NARS2: variants seen among roughly 807,000 people sequenced by gnomAD.
NARS2 encodes asparaginyl-tRNA synthetase 2, mitochondrial, also known as asparaginyl-tRNA synthetase.
NARS2 carries 60 observed loss-of-function variants against 62.9 expected under a neutral mutation model. The ratio of observed to expected loss-of-function variants is 0.95; its 90% CI spans 0.77 to 1.18. NARS2 has a LOEUF of 1.18. Among genes scored for constraint, NARS2 ranks in the 50% most tolerant of loss-of-function variants. The pLI is 0.00. For missense variants in NARS2, 619 were observed against 576.4 expected (o/e 1.07, Z -0.76); for synonymous variants, 196 against 200.0 (o/e 0.98, Z 0.17).
At chr11:78,457,577 T>C (rs1326450092) in intron 11 of NARS2, among the ~76,000 whole-genome samples, 2 of 152,202 alleles carry the variant, frequency 1.3e-5, no homozygotes, top group Non-Finnish European at 2.9e-5. Flanking sequence ...TTAAATAAAT[T>C]ATATTTGAAT....
chr11:78,553,145 G>A (rs1043109737), intron 5 of NARS2, among the ~76,000 whole-genome samples: 4 of 151,692 alleles, frequency 2.6e-5, no homozygotes, highest in Admixed American at 6.6e-5. Context: ...TTTAATTATC[G>A]CCACTGACTG....
intron 11 of NARS2, among the ~76,000 whole-genome samples, chr11:78,444,623 G>A (rs1233598827): frequency 6.6e-6 from 1 of 151,250 alleles, no homozygotes; most frequent in African/African-American, 2.4e-5. Flanking sequence ...GGAGGCCGAG[G>A]CAGGAGAATT....
At chr11:78,503,529 T>C (rs79087834) in intron 6 of NARS2, among the ~76,000 whole-genome samples, 2 of 152,210 alleles carry the variant, frequency 1.3e-5, no homozygotes, top group East Asian at 3.9e-4. Flanking sequence ...TAAGCCACCA[T>C]GCCCAGCCTG....
At chr11:78,451,581 G>A (rs1309886037) in intron 11 of NARS2, among the ~76,000 whole-genome samples, 3 of 152,180 alleles carry the variant, frequency 2.0e-5, no homozygotes, top group Non-Finnish European at 4.4e-5. Flanking sequence ...TGTGGTTTAT[G>A]GGAGGCTGAG....
Position 78,521,990 on chromosome 11 carries a change from G to A in NARS2, c.689+6852C>T, listed in dbSNP as rs56699492. Among the ~76,000 whole-genome samples, 820 of 152,114 alleles carry A rather than the reference G, an allele frequency of 5.4e-3. 6 individuals carry two copies. Among genetic ancestry groups the A allele is most frequent in the African/African-American group, 0.019 (788 of 41,492 alleles). ...GCAGCAACAATCTCCTCCCCTTTTT[G>A]TTGCCCATGCTGGAGTGCAGTGGCA... On this transcript the variant is annotated intron_variant, in intron 6 of 13. Transcript: ENST00000281038.
At chr11:78,441,192 G>C in intron 12 of NARS2, 75 bp from the exon 13 acceptor site, 1 of 1,371,284 alleles carries the variant, frequency 7.3e-7, no homozygotes, top group Non-Finnish European at 1.0e-6. Flanking sequence ...TTTATTCTGG[G>C]TGTGTGCAAA....
chr11:78,547,367 T>G (rs1855920486), intron 5 of NARS2, among the ~76,000 whole-genome samples: 1 of 152,070 alleles, frequency 6.6e-6, no homozygotes, highest in Non-Finnish European at 1.5e-5. Context: ...CAGGACCCAA[T>G]ACTAACTTGT....
chr11:78,572,859 T>C (rs539933352), intron 1 of NARS2, among the ~76,000 whole-genome samples: 31 of 152,364 alleles, frequency 2.0e-4, no homozygotes, highest in African/African-American at 7.0e-4. Context: ...GCATTCTTTT[T>C]GGTTCTTCAA....
intron 5 of NARS2, among the ~76,000 whole-genome samples, chr11:78,542,818 G>A (rs907869491): frequency 6.6e-6 from 1 of 151,856 alleles, no homozygotes; most frequent in South Asian, 2.1e-4. Context: ...TGGATCACTT[G>A]AGCTCAGGAG....
At chr11:78,571,104 G>T (rs1466604861) in intron 2 of NARS2, among the ~76,000 whole-genome samples, 1 of 152,130 alleles carries the variant, frequency 6.6e-6, no homozygotes, top group Non-Finnish European at 1.5e-5. Flanking sequence ...AAAGACTGAA[G>T]TGAAGCATAA....
At chr11:78,566,970 CT>C (rs1295773564) in intron 3 of NARS2, among the ~76,000 whole-genome samples, 1 of 151,478 alleles carries the variant, frequency 6.6e-6, no homozygotes, top group Non-Finnish European at 1.5e-5. Flanking sequence ...CTCATCCATT[CT>C]AAGTCTTGTA....
At chr11:78,563,932 C>T (rs1381299133) in intron 4 of NARS2, among the ~76,000 whole-genome samples, 3 of 134,670 alleles carry the variant, frequency 2.2e-5, no homozygotes, top group South Asian at 2.3e-4. Context: ...GATGGAATCT[C>T]GCTCTGTTGC....
At chr11:78,499,389 C>T (rs1033631154) in intron 6 of NARS2, among the ~76,000 whole-genome samples, 1 of 152,014 alleles carries the variant, frequency 6.6e-6, no homozygotes, top group Non-Finnish European at 1.5e-5. Flanking sequence ...CCTCAGGCTT[C>T]CAAGAAGGAG....
chr11:78,493,098 T>C lies in NARS2; in HGVS notation c.787A>G (p.Ile263Val). Residue 263 changes from isoleucine (I) to valine (V), a missense_variant, in exon 7 of 14, where the codon ATT (isoleucine) becomes GTT (valine). Coordinates refer to ENST00000281038, the MANE Select transcript of NARS2 (RefSeq NM_024678.6). ...LAEFYMIEAE[I>V]SFVDSLQDLM... ...TCTTGAAGGCTGTCAACAAAAGAAA[T>C]CTCTGCTTCTATCATATAAAACTCT... 1 of 1,613,756 alleles carries C rather than the reference T, an allele frequency of 6.2e-7. No homozygotes were observed. Among genetic ancestry groups the C allele is most frequent in the South Asian group, 1.1e-5 (1 of 91,046 alleles).
intron 7 of NARS2, among the ~76,000 whole-genome samples, chr11:78,485,808 C>T (rs1859548232): frequency 6.6e-6 from 1 of 152,116 alleles, no homozygotes; most frequent in South Asian, 2.1e-4. Context: ...ACCTACTTCT[C>T]CAACAGAGGA....
At chr11:78,571,470 T>C in intron 1 of NARS2, 26 bp from the exon 2 acceptor site, 10 of 1,533,198 alleles carry the variant, frequency 6.5e-6, no homozygotes, top group Non-Finnish European at 9.0e-6. Flanking sequence ...ATTTCCAATG[T>C]GAGCGTAAAA....
chr11:78,563,885 GTATTATTATTATTATTAT>G (rs550249150), intron 4 of NARS2, among the ~76,000 whole-genome samples: 1 of 82,072 alleles, frequency 1.2e-5, no homozygotes, highest in African/African-American at 4.6e-5. Context: ...CACACACACA[GTATTATTATTATTATTAT>G]TATTATTATT....
intron 11 of NARS2, among the ~76,000 whole-genome samples, chr11:78,461,261 C>A (rs143554294): frequency 3.0e-3 from 455 of 152,054 alleles, no homozygotes; most frequent in Non-Finnish European, 4.7e-3. Context: ...AAAATAAAGA[C>A]CACCAAGGAC....
chr11:78,509,150 T>C (rs1402427709), intron 6 of NARS2, among the ~76,000 whole-genome samples: 1 of 149,770 alleles, frequency 6.7e-6, no homozygotes, highest in East Asian at 2.0e-4. Flanking sequence ...AGATTCCTCA[T>C]CAGAAACTTT....
Sources: allele counts gnomAD v4.1 joint callset (sites outside exome capture counted in the v4.1 genomes callset), GRCh38; gene constraint gnomAD v4.1.1; transcripts MANE v1.5; gene names NCBI Gene and HGNC (gene_info 2026-07-23, HGNC 2026-07-21).